Variants in QRICH2 observed in about 807,000 individuals in gnomAD.
QRICH2 encodes the protein glutamine rich 2, also known as glutamine-rich protein 2.
In QRICH2, 119 loss-of-function variants were observed where a neutral mutation model predicts 168.3. The observed-to-expected ratio is 0.71, with a 90% CI of 0.61 to 0.82. QRICH2 has a LOEUF of 0.82. Ranked by LOEUF, QRICH2 falls within the 40% of genes least tolerant of loss-of-function variation. The probability of loss-of-function intolerance (pLI) is 0.00; values close to 1 mark genes in which losing one functional copy is unlikely to be tolerated. For synonymous variants in QRICH2, 894 were observed against 951.2 expected (o/e 0.94, Z 1.11); for missense variants, 2,241 against 2,491.6 (o/e 0.90, Z 2.14).
At chr17:76,277,635 CAT>C (rs1420979352) in intron 15 of QRICH2, among the ~76,000 whole-genome samples, 2 of 151,880 alleles carry the variant, frequency 1.3e-5, no homozygotes, top group African/African-American at 4.8e-5. Context: ...TACACACGAA[CAT>C]ATACATACAT....
intron 6 of QRICH2, among the ~76,000 whole-genome samples, 180 bp downstream of exon 6, chr17:76,287,619 GA>G (rs2070914797): frequency 2.0e-5 from 3 of 152,130 alleles, no homozygotes; most frequent in African/African-American, 7.2e-5. Flanking sequence ...GTTGCTTTGG[GA>G]ACCTGGGGAA....
intron 18 of QRICH2, 107 bp downstream of exon 18, chr17:76,275,712 C>G: frequency 7.1e-7 from 1 of 1,412,228 alleles, no homozygotes; most frequent in East Asian, 2.4e-5. Flanking sequence ...CTTCGGCTCC[C>G]AGGCCCTCCC....
chr17:76,296,875 G>C (rs772568149), intron 3 of QRICH2, among the ~76,000 whole-genome samples: 2 of 152,082 alleles, frequency 1.3e-5, no homozygotes, highest in African/African-American at 2.4e-5. Flanking sequence ...CGAGTGATGA[G>C]CACGCATTTG....
In QRICH2 at chr17:76,279,662, G is replaced by A. The variant is rs190743967; in HGVS notation, c.4749-234C>T. On this transcript the variant is annotated intron_variant, in intron 12 of 18. Transcript: ENST00000680821. ...AGGGTGCCCTGTGCAAGTCTCGGGCGCCCCCTGGCGGCCACGAATGGGAAT... is the reference window on the plus strand; with the variant it reads ...AGGGTGCCCTGTGCAAGTCTCGGGCACCCCCTGGCGGCCACGAATGGGAAT... Among the ~76,000 whole-genome samples the A allele has an allele frequency of 6.4e-3, 970 of 152,230 alleles. 3 individuals are homozygous for A. The highest frequency in any genetic ancestry group is 0.01 in the Non-Finnish European group (698 of 67,994).
intron 3 of QRICH2, among the ~76,000 whole-genome samples, chr17:76,302,041 G>A (rs971450009): frequency 1.2e-4 from 18 of 152,106 alleles, no homozygotes; most frequent in African/African-American, 4.3e-4. Flanking sequence ...TGGGATTACA[G>A]GCATGTGCCA....
At chr17:76,308,962 G>A (rs79977866), upstream of QRICH2, among the ~76,000 whole-genome samples, 2 of 151,026 alleles carry the variant, frequency 1.3e-5, no homozygotes, top group African/African-American at 4.8e-5. Flanking sequence ...GGCCAGGCTG[G>A]TCTTGAACTC....
intron 3 of QRICH2, among the ~76,000 whole-genome samples, chr17:76,297,521 A>T (rs897338318): frequency 2.0e-5 from 3 of 149,702 alleles, no homozygotes; most frequent in Non-Finnish European, 4.4e-5. Context: ...GAAAAAAAAA[A>T]TACAAAAATA....
rs1358919990 is a variant in QRICH2, at chr17:76,293,459, G to A, written c.1268C>T (p.Pro423Leu). The A allele has an allele frequency of 1.9e-6, 3 of 1,614,046 alleles. No individual in the cohort carries two copies. The highest frequency in any genetic ancestry group is 2.2e-5 in the South Asian group (2 of 91,088). ...TTCCCGATCATCCATTTCAGGTGGT[G>A]GCACACCAAGCTGACCCATGCTGAG... is the stretch of plus-strand genomic sequence containing the variant. ...VPLSMGQLGV[P>L]PPEMDDRELI... Residue 423 changes from proline (P) to leucine (L), a missense_variant, in exon 4 of 19, where the codon CCA becomes CTA. Pro to Leu is a moderately conservative substitution (Grantham distance 98, BLOSUM62 -3). This residue lies in a region of QRICH2 where 2,047 missense variants were observed against 2,303.8 expected (regional missense o/e 0.89). Coordinates refer to ENST00000680821, the MANE Select transcript of QRICH2 (RefSeq NM_001388453.1).
chr17:76,293,239 T>C lies in QRICH2; in HGVS notation c.1488A>G (p.Val496=). The part of the protein sequence containing the change: ...EPLGMDQRGC[V]ISGMGQQGLV... ...GTCCTTGCTGACCCATGCCTGATAT[T>C]ACACATCCACGCTGATCCATGCCAA... is the stretch of plus-strand genomic sequence containing the variant. The change falls in exon 4 of 19, where the codon GTA becomes GTG. Residue 496 remains valine, a synonymous_variant. Coordinates refer to ENST00000680821, the MANE Select transcript of QRICH2 (RefSeq NM_001388453.1). 1 of 1,614,096 alleles carries C rather than the reference T, an allele frequency of 6.2e-7. No individual in the cohort carries two copies. The highest frequency in any genetic ancestry group is 8.5e-7 in the Non-Finnish European group (1 of 1,180,044).
Position 76,308,009 on chromosome 17 carries a change from A to G in QRICH2, c.-11T>C. The stretch of plus-strand genomic sequence containing the variant: ...GGTCGCGGGCGGCATCGTGGCTGTC[A>G]GGAGCTGTGCGCCGCCGCGGGGCGC... On this transcript the variant is annotated 5_prime_UTR_variant, in exon 1 of 19. Transcript: ENST00000680821. 1 of 1,232,840 alleles carries G rather than the reference A, an allele frequency of 8.1e-7. No homozygotes were observed. The highest frequency in any genetic ancestry group is 1.0e-6 in the Non-Finnish European group (1 of 988,306). The allele number at this position is 1,232,840 out of a possible 1,614,324, so 76.4% of individuals were successfully genotyped here.
chr17:76,282,149 T>C, intron 7 of QRICH2, 34 bp from the exon 8 acceptor site: 2 of 1,576,364 alleles, frequency 1.3e-6, no homozygotes, highest in Non-Finnish European at 1.7e-6. Context: ...AGCAGGGCAG[T>C]GAGGCCAGTC....
rs1302136618 is a variant in QRICH2 at position 76,292,552 on chromosome 17, T to C, written c.2175A>G (p.Ala725=). ...CAGGTTGGACCAAACCATGCTGAAC[T>C]GCACCAGGTTGAGCCAAATCACTCT... The part of the protein sequence containing the change: ...ADQSDLAQPG[A]VQHGLVQPGV... Residue 725 remains alanine, a synonymous_variant, in exon 4 of 19, where the codon GCA becomes GCG. Transcript: ENST00000680821. The C allele has an allele frequency of 6.2e-7, 1 of 1,613,800 alleles. No individual in the cohort carries two copies. The highest frequency in any genetic ancestry group is 1.1e-5 in the South Asian group (1 of 91,066).
intron 7 of QRICH2, among the ~76,000 whole-genome samples, chr17:76,286,036 G>A (rs927935056): frequency 5.3e-5 from 8 of 151,418 alleles, no homozygotes; most frequent in Non-Finnish European, 8.8e-5. Context: ...TTAGCCGGGC[G>A]TGGTGGCAGG....
rs1392865885 is a variant in QRICH2 at position 76,308,075 on chromosome 17, G to C, written c.-77C>G. The C allele has an allele frequency of 8.1e-7, 1 of 1,228,134 alleles. No individual in the cohort carries two copies. The highest frequency in any genetic ancestry group is 4.2e-5 in the Admixed American group (1 of 23,584). 76.1% of individuals were successfully genotyped at this position (1,228,134 alleles called of 1,614,324 possible). Reference sequence around the variant, plus strand: ...CGCTCACTGCACGCCGCGCCTTGGGGCCTTTCGGGGGCCCTGCGAGGTCCT... The same window carrying C: ...CGCTCACTGCACGCCGCGCCTTGGGCCCTTTCGGGGGCCCTGCGAGGTCCT... On this transcript the variant is annotated 5_prime_UTR_variant, in exon 1 of 19. Coordinates refer to ENST00000680821, the MANE Select transcript of QRICH2 (RefSeq NM_001388453.1).
At chr17:76,296,345 C>T (rs916023825) in intron 3 of QRICH2, among the ~76,000 whole-genome samples, 4 of 152,178 alleles carry the variant, frequency 2.6e-5, no homozygotes, top group African/African-American at 9.7e-5. Flanking sequence ...CCTGTATCAC[C>T]CTGGCTTGCT....
intron 3 of QRICH2, among the ~76,000 whole-genome samples, chr17:76,302,274 C>T (rs981482184): frequency 9.9e-5 from 15 of 152,082 alleles, no homozygotes; most frequent in South Asian, 6.2e-4. Context: ...AAAACTGTAC[C>T]GACCTTTCTA....
At chr17:76,286,968 G>C (rs1598486064) in intron 7 of QRICH2, among the ~76,000 whole-genome samples, 1 of 150,678 alleles carries the variant, frequency 6.6e-6, no homozygotes, top group African/African-American at 2.4e-5. Context: ...TGGACTCAGA[G>C]CTGGCTTTGG....
rs67948583 is a variant in QRICH2, at chr17:76,280,757, A to G, written c.4387-29T>C. On this transcript the variant is annotated intron_variant, in intron 9 of 18. Coordinates refer to ENST00000680821, the MANE Select transcript of QRICH2 (RefSeq NM_001388453.1). This position sits in a 1 kb window ranked among gnomAD's most constrained non-coding sequence, Gnocchi z 7.4. ...GGGAGGCCAAGTGAACAGAGAAAAAAAGAGCCAGCAGCTGCGGGGCTAGGG... is the reference window on the plus strand; with the variant it reads ...GGGAGGCCAAGTGAACAGAGAAAAAGAGAGCCAGCAGCTGCGGGGCTAGGG... 0.083 allele frequency: 134,439 copies of G among 1,613,972 alleles called. 6,775 individuals are homozygous for G. The highest frequency in any genetic ancestry group is 0.19 in the Admixed American group (11,214 of 59,992).
rs200041209 is a variant in QRICH2 at position 76,293,475 on chromosome 17, C to A, written c.1252G>T (p.Gly418Cys). Residue 418 changes from glycine to cysteine, a missense_variant, in exon 4 of 19, where the codon GGT becomes TGT. By Grantham distance (159) the Gly-to-Cys change is radical. Transcript: ENST00000680821. Reference sequence around the variant, plus strand: ...TCAGGTGGTGGCACACCAAGCTGACCCATGCTGAGGGGTACCACACCATGT... The same window carrying A: ...TCAGGTGGTGGCACACCAAGCTGACACATGCTGAGGGGTACCACACCATGT... ...YPHGVVPLSMGQLGVPPPEMD... is the reference protein window; with the variant it reads ...YPHGVVPLSMCQLGVPPPEMD... 1.2e-6 allele frequency: 2 copies of A among 1,614,170 alleles called. No homozygotes were observed. The highest frequency in any genetic ancestry group is 1.7e-6 in the Non-Finnish European group (2 of 1,180,030).
Sources: allele counts gnomAD v4.1 joint callset (sites outside exome capture counted in the v4.1 genomes callset), GRCh38; gene constraint gnomAD v4.1.1; regional missense constraint gnomAD v4.1.1; non-coding constraint Gnocchi (gnomAD v3.1); transcripts MANE v1.5; gene names NCBI Gene and HGNC (gene_info 2026-07-23, HGNC 2026-07-21).